Variants in TSHZ2 observed in about 807,000 individuals in gnomAD.
TSHZ2 encodes teashirt homolog 2.
A neutral mutation model predicts 74.4 loss-of-function variants in TSHZ2; 21 were observed. The observed-to-expected ratio is 0.28, with a 90% CI of 0.20 to 0.41. The LOEUF is 0.41. Ranked by LOEUF, TSHZ2 falls within the 10% of genes least tolerant of loss-of-function variation. The probability of loss-of-function intolerance (pLI) is 1.00; values close to 1 mark genes in which losing one functional copy is unlikely to be tolerated. For synonymous variants in TSHZ2, 540 were observed against 515.3 expected (o/e 1.05, Z -0.65); for missense variants, 1,244 against 1,293.5 (o/e 0.96, Z 0.59).
chr20:53,018,568 C>T (rs1294037964), intron 1 of TSHZ2, among the ~76,000 whole-genome samples: 1 of 152,214 alleles, frequency 6.6e-6, no homozygotes, highest in African/African-American at 2.4e-5. Context: ...TTGAATGCCC[C>T]TGTGTCACCT....
chr20:53,493,631 T>C lies in TSHZ2; in HGVS notation c.*6496T>C, dbSNP rs916227282. 6.6e-6 allele frequency: 1 copy of C among 152,204 alleles called. No homozygotes were observed. The highest frequency in any genetic ancestry group is 2.4e-5 in the African/African-American group (1 of 41,452). 9.4% of individuals were successfully genotyped at this position (152,204 alleles called of 1,614,324 possible). ...TCCTGACATCGGCGTGTTCTTCTTC[T>C]GCATTAAGGATGTTTTTGAAATTAC... On this transcript the variant is annotated 3_prime_UTR_variant, in exon 3 of 3. Transcript: ENST00000371497.
intron 1 of TSHZ2, among the ~76,000 whole-genome samples, chr20:53,188,378 T>A (rs945359066): frequency 6.6e-6 from 1 of 152,232 alleles, no homozygotes; most frequent in Non-Finnish European, 1.5e-5. Context: ...AGGTTTTCAA[T>A]GTTCAGTGTA....
intron 2 of TSHZ2, among the ~76,000 whole-genome samples, chr20:53,340,184 C>CTTCTTTTTTT (rs1980132933): frequency 1.8e-5 from 2 of 109,872 alleles, no homozygotes; most frequent in South Asian, 6.6e-4. Context: ...TTTCTTTTTT[C>CTTCTTTTTTT]TTTTTTTTTT....
At chr20:53,266,358 C>A (rs1990716624) in intron 2 of TSHZ2, among the ~76,000 whole-genome samples, 1 of 152,188 alleles carries the variant, frequency 6.6e-6, no homozygotes. Flanking sequence ...CTGCCCCACG[C>A]CCAGAAATTG....
chr20:52,990,383 G>A (rs766633213), intron 1 of TSHZ2, among the ~76,000 whole-genome samples: 4 of 146,604 alleles, frequency 2.7e-5, no homozygotes, highest in Middle Eastern at 3.5e-3. Flanking sequence ...GCTTAAGTAC[G>A]CTGAACGTAA....
chr20:53,216,484 G>A (rs945676462), intron 1 of TSHZ2, among the ~76,000 whole-genome samples: 38 of 152,344 alleles, frequency 2.5e-4, no homozygotes, highest in African/African-American at 9.1e-4. Flanking sequence ...GCTAGGATAT[G>A]TCATTTTATG....
At chr20:53,463,412 AAGGAAGGAAGGAAGGAAGGAAGG>A (rs1187074069) in intron 2 of TSHZ2, among the ~76,000 whole-genome samples, 3 of 122,302 alleles carry the variant, frequency 2.5e-5, no homozygotes, top group African/African-American at 9.9e-5. Context: ...GGAAGGAAGG[AAGGAAGGAAGGAAGGAAGGAAGG>A]AGGGAGGGAG....
At chr20:53,460,873 C>A (rs1202509645) in intron 2 of TSHZ2, among the ~76,000 whole-genome samples, 2 of 152,174 alleles carry the variant, frequency 1.3e-5, no homozygotes, top group South Asian at 4.1e-4. Context: ...GGTCAGGGAC[C>A]CACTTGAGGA....
At chr20:53,173,997 C>T (rs879400491) in intron 1 of TSHZ2, among the ~76,000 whole-genome samples, 3 of 152,100 alleles carry the variant, frequency 2.0e-5, no homozygotes, top group Non-Finnish European at 4.4e-5. Flanking sequence ...GACATACACA[C>T]ACATACACAT....
At chr20:53,109,094 C>T (rs1986459014) in intron 1 of TSHZ2, among the ~76,000 whole-genome samples, 1 of 142,502 alleles carries the variant, frequency 7.0e-6, no homozygotes, top group South Asian at 2.2e-4. Context: ...CTCCTCTCTC[C>T]ATACAAACAT....
Position 53,488,892 on chromosome 20 carries a change from C to A in TSHZ2, c.*1757C>A. Reference sequence around the variant, plus strand: ...TAGGGAAAGTGTTGCCCTTATGCCACATATAATAGCAAATTGCTTTTTTTA... The same window carrying A: ...TAGGGAAAGTGTTGCCCTTATGCCAAATATAATAGCAAATTGCTTTTTTTA... On this transcript the variant is annotated 3_prime_UTR_variant, in exon 3 of 3. Coordinates refer to ENST00000371497, the MANE Select transcript of TSHZ2 (RefSeq NM_173485.6). The A allele has an allele frequency of 2.3e-6, 1 of 431,172 alleles. No homozygotes were observed. Among genetic ancestry groups the A allele is most frequent in the Non-Finnish European group, 4.7e-6 (1 of 213,940 alleles). 26.7% of individuals were successfully genotyped at this position (431,172 alleles called of 1,614,324 possible).
intron 1 of TSHZ2, among the ~76,000 whole-genome samples, chr20:53,212,842 G>T (rs1394636905): frequency 6.6e-6 from 1 of 152,130 alleles, no homozygotes; most frequent in African/African-American, 2.4e-5. Flanking sequence ...TTCAGAATTG[G>T]CTCAGGAACC....
At chr20:53,001,976 C>T (rs1419973028) in intron 1 of TSHZ2, among the ~76,000 whole-genome samples, 2 of 152,102 alleles carry the variant, frequency 1.3e-5, no homozygotes, top group South Asian at 2.1e-4. Flanking sequence ...AAAAAGAAAA[C>T]GGAAGTTGTC....
chr20:52,985,809 C>G (rs1463195351), intron 1 of TSHZ2, among the ~76,000 whole-genome samples: 2 of 152,194 alleles, frequency 1.3e-5, no homozygotes, highest in East Asian at 3.8e-4. Flanking sequence ...AGCACTGACT[C>G]AAACCATCGT....
intron 1 of TSHZ2, among the ~76,000 whole-genome samples, chr20:53,075,912 C>G (rs1185633069): frequency 1.3e-5 from 2 of 152,158 alleles, no homozygotes; most frequent in Non-Finnish European, 2.9e-5. Context: ...ACATTCTCAA[C>G]TGCATTCAGT....
At chr20:53,471,226 T>C (rs1348503663) in intron 2 of TSHZ2, among the ~76,000 whole-genome samples, 1 of 152,188 alleles carries the variant, frequency 6.6e-6, no homozygotes, top group Non-Finnish European at 1.5e-5. Context: ...TTTTTTTTTC[T>C]TTTGTATTGT....
chr20:53,327,778 A>C (rs1279085554), intron 2 of TSHZ2, among the ~76,000 whole-genome samples: 1 of 152,230 alleles, frequency 6.6e-6, no homozygotes, highest in Non-Finnish European at 1.5e-5. Context: ...AGGGTACGAT[A>C]AGAGCTTTGA....
At chr20:53,162,576 C>G (rs1442333187) in intron 1 of TSHZ2, among the ~76,000 whole-genome samples, 1 of 152,224 alleles carries the variant, frequency 6.6e-6, no homozygotes, top group Admixed American at 6.5e-5. Flanking sequence ...GAGTTACCTT[C>G]CACTGCCAGT....
At chr20:53,463,445 G>C in intron 2 of TSHZ2, among the ~76,000 whole-genome samples, 1 of 113,290 alleles carries the variant, frequency 8.8e-6, no homozygotes, top group South Asian at 3.1e-4. Context: ...GAGGGAGGGA[G>C]GGAAGGAAGG....
Sources: allele counts gnomAD v4.1 joint callset (sites outside exome capture counted in the v4.1 genomes callset), GRCh38; gene constraint gnomAD v4.1.1; transcripts MANE v1.5; gene names NCBI Gene and HGNC (gene_info 2026-07-23, HGNC 2026-07-21).